Variants in DNAH17 observed in about 807,000 individuals in gnomAD.
DNAH17 encodes axonemal beta dynein heavy chain 17.
DNAH17 carries 376 observed loss-of-function variants against 485.6 expected under a neutral mutation model. That is an observed-to-expected ratio of 0.77 (90% confidence interval 0.71 to 0.84). The LOEUF is 0.84. DNAH17 is among the 40% of genes least tolerant of loss of function. The pLI is 0.00. For missense variants in DNAH17, 6,370 were observed against 5,839.3 expected (o/e 1.09, Z -2.96); for synonymous variants, 3,031 against 2,405.9 (o/e 1.26, Z -7.60).
intron 16 of DNAH17, among the ~76,000 whole-genome samples, chr17:78,546,713 C>G (rs909753361): frequency 6.6e-6 from 1 of 152,158 alleles, no homozygotes; most frequent in Non-Finnish European, 1.5e-5. Flanking sequence ...TGAGACCTGC[C>G]TGAACAACAT....
At chr17:78,565,016 T>TG (rs1359728627) in intron 11 of DNAH17, among the ~76,000 whole-genome samples, 1 of 152,208 alleles carries the variant, frequency 6.6e-6, no homozygotes, top group African/African-American at 2.4e-5. Context: ...CCGCAGGGGA[T>TG]GTCTGATTAC....
rs146966249 is a variant in DNAH17, at chr17:78,570,951, C to T, written c.915G>A (p.Thr305=). ...CGGCTCTCCCTTGCCTGCGCACCATCGTGAAGTCGGCTTGTTCCATCTCCT... is the reference window on the plus strand; with the variant it reads ...CGGCTCTCCCTTGCCTGCGCACCATTGTGAAGTCGGCTTGTTCCATCTCCT... ...LLEEMEQADF[T]MLPTFIAKVL... is the part of the protein sequence containing the mutation. Residue 305 remains threonine (T), a synonymous_variant, in exon 6 of 81, where the codon ACG becomes ACA. Transcript: ENST00000389840. 65 of 1,586,064 alleles carry T rather than the reference C, an allele frequency of 4.1e-5. No homozygotes were observed. Among genetic ancestry groups the T allele is most frequent in the African/African-American group, 2.0e-4 (15 of 74,304 alleles).
At chr17:78,430,961 G>A (rs1054590381) in intron 75 of DNAH17, among the ~76,000 whole-genome samples, 1 of 151,986 alleles carries the variant, frequency 6.6e-6, no homozygotes, top group Non-Finnish European at 1.5e-5. Flanking sequence ...GCTCACTGCA[G>A]CCTTGATCTC....
chr17:78,494,192 G>A lies in DNAH17; in HGVS notation c.6271-19C>T. 1 of 1,600,694 alleles carries A rather than the reference G, an allele frequency of 6.2e-7. No individual in the cohort carries two copies. Among genetic ancestry groups the A allele is most frequent in the Non-Finnish European group, 8.5e-7 (1 of 1,171,620 alleles). ...TGATGATCTGGGGAGACATGGATGA[G>A]GCTGGGTGAGGAACTGAAGCAGCTT... is the stretch of plus-strand genomic sequence containing the variant. On this transcript the variant is annotated intron_variant, in intron 40 of 80. Coordinates refer to ENST00000389840, the MANE Select transcript of DNAH17 (RefSeq NM_173628.4).
At position 78,560,907 on chromosome 17, in the gene DNAH17, T is replaced by C. The variant is rs142270504; in HGVS notation, c.1864A>G (p.Thr622Ala). 3.5e-4 allele frequency: 541 copies of C among 1,550,608 alleles called. No individual in the cohort carries two copies. The highest frequency in any genetic ancestry group is 4.5e-4 in the Non-Finnish European group (520 of 1,147,062). The change falls in exon 13 of 81, where the codon ACC becomes GCC. Residue 622 changes from threonine to alanine, a missense_variant. Physicochemically the swap from Thr to Ala is moderately conservative, Grantham distance 58. Coordinates refer to ENST00000389840, the MANE Select transcript of DNAH17 (RefSeq NM_173628.4). Reference protein sequence around the residue: ...PVMSGAEAKLTYQKYDEMMEL... With the variant: ...PVMSGAEAKLAYQKYDEMMEL... Reference sequence around the variant, plus strand: ...ATCATCTCGTCATACTTCTGATAGGTCAGCTTGGCCTCTGCTCCAGACATG... The same window carrying C: ...ATCATCTCGTCATACTTCTGATAGGCCAGCTTGGCCTCTGCTCCAGACATG...
At chr17:78,504,801 G>T (rs954235636) in intron 31 of DNAH17, among the ~76,000 whole-genome samples, 4 of 151,894 alleles carry the variant, frequency 2.6e-5, no homozygotes, top group African/African-American at 9.7e-5. Context: ...TTTCAGACAG[G>T]TGATGGGAAT....
At chr17:78,482,604 T>G (rs759735340) in intron 48 of DNAH17, among the ~76,000 whole-genome samples, 9 of 152,186 alleles carry the variant, frequency 5.9e-5, no homozygotes, top group Non-Finnish European at 1.3e-4. Context: ...TGCACACTTC[T>G]CAGGTCACAG....
intron 74 of DNAH17, among the ~76,000 whole-genome samples, chr17:78,435,196 G>A (rs1187603506): frequency 6.6e-6 from 1 of 152,156 alleles, no homozygotes; most frequent in Non-Finnish European, 1.5e-5. Context: ...TGGAGAGCCA[G>A]AGTGACACCA....
intron 71 of DNAH17, 58 bp from the exon 72 acceptor site, chr17:78,441,257 G>T (rs554165632): frequency 1.3e-6 from 2 of 1,593,640 alleles, no homozygotes; most frequent in African/African-American, 1.3e-5. Flanking sequence ...AGGGCGGGGC[G>T]CTCGGGGTGG....
chr17:78,444,580 CCCCCGG>C lies in DNAH17; in HGVS notation c.11528+18_11528+23del. ...TCAGGCCTGGGCCTCGGGGGCGGGGCCCCCGGCGCGGCGGGACACTCACTTGATAGC... is the reference window on the plus strand; with the variant it reads ...TCAGGCCTGGGCCTCGGGGGCGGGGCCGCGGCGGGACACTCACTTGATAGC... On this transcript the variant is annotated intron_variant, in intron 71 of 80. Transcript: ENST00000389840. The C allele has an allele frequency of 6.6e-7, 1 of 1,525,516 alleles. No homozygotes were observed. Among genetic ancestry groups the C allele is most frequent in the Non-Finnish European group, 8.8e-7 (1 of 1,137,434 alleles). The allele number at this position is 1,525,516 out of a possible 1,614,324, so 94.5% of individuals were successfully genotyped here.
chr17:78,549,739 C>A (rs550157669), intron 16 of DNAH17, among the ~76,000 whole-genome samples: 1 of 152,228 alleles, frequency 6.6e-6, no homozygotes, highest in East Asian at 1.9e-4. Context: ...GCTGGGGCCT[C>A]AGGGGCAGCA....
In DNAH17 at chr17:78,501,363, C is replaced by G; in HGVS notation, c.5323-19G>C. 6.3e-7 allele frequency: 1 copy of G among 1,575,074 alleles called. No homozygotes were observed. Among genetic ancestry groups the G allele is most frequent in the Non-Finnish European group, 8.7e-7 (1 of 1,152,618 alleles). The stretch of plus-strand genomic sequence containing the variant: ...TCTCCACCTGCAGGATGAGCCGGAG[C>G]TCTTGTTGCCAGGTGGAATACAAGA... On this transcript the variant is annotated intron_variant, in intron 34 of 80. Transcript: ENST00000389840.
chr17:78,567,629 G>C (rs1026893484), intron 9 of DNAH17, among the ~76,000 whole-genome samples: 4 of 152,172 alleles, frequency 2.6e-5, no homozygotes, highest in Admixed American at 2.0e-4. Context: ...GGTGATCCAA[G>C]AAGAAAGCGG....
At chr17:78,557,842 G>A (rs1443237437) in intron 14 of DNAH17, among the ~76,000 whole-genome samples, 1 of 151,916 alleles carries the variant, frequency 6.6e-6, no homozygotes, top group Admixed American at 6.6e-5. Context: ...AAGTTGTTGG[G>A]TGACAACAAA....
intron 17 of DNAH17, among the ~76,000 whole-genome samples, chr17:78,540,690 G>A (rs1314052734): frequency 5.6e-5 from 3 of 53,992 alleles, no homozygotes; most frequent in East Asian, 9.7e-4. Context: ...AGATGGATGG[G>A]TGGATGGGTG....
At chr17:78,482,000 G>A (rs545754989) in intron 48 of DNAH17, among the ~76,000 whole-genome samples, 109 of 151,736 alleles carry the variant, frequency 7.2e-4, no homozygotes, top group African/African-American at 2.2e-3. Flanking sequence ...GGGCAACAGA[G>A]CAAGATTTCA....
intron 36 of DNAH17, 98 bp downstream of exon 36, chr17:78,500,199 TATCCAGAG>T (rs771023150): frequency 8.3e-5 from 105 of 1,265,122 alleles, no homozygotes. Context: ...CATTCACAGG[TATCCAGAG>T]ATCTGGAGTT....
At chr17:78,557,814 T>C (rs981861790) in intron 14 of DNAH17, among the ~76,000 whole-genome samples, 3 of 151,938 alleles carry the variant, frequency 2.0e-5, no homozygotes, top group Non-Finnish European at 4.4e-5. Flanking sequence ...TCTGTTCTGC[T>C]TGGAGATCTT....
At chr17:78,531,330 AGTCT>A (rs1263120419) in intron 20 of DNAH17, among the ~76,000 whole-genome samples, 4 of 148,804 alleles carry the variant, frequency 2.7e-5, no homozygotes, top group East Asian at 1.9e-4. Context: ...TGTGACATAA[AGTCT>A]GTCTTTTTTT....
Sources: gnomAD v4.1 joint callset for allele counts (sites outside exome capture counted in the v4.1 genomes callset) on GRCh38, gnomAD v4.1.1 for gene constraint, MANE v1.5 for transcripts, NCBI Gene and HGNC (gene_info 2026-07-23, HGNC 2026-07-21) for gene names.